The following SMC6 variants were observed in gnomAD, a reference collection of about 807,000 sequenced individuals.
SMC6 encodes structural maintenance of chromosomes protein 6.
Under a neutral mutation model 142.2 loss-of-function variants are expected in SMC6, and 79 were observed. That is an observed-to-expected ratio of 0.56 (90% CI 0.46 to 0.67). The LOEUF (loss-of-function observed/expected upper bound fraction) is 0.67. Ranked by LOEUF, SMC6 falls within the 30% of genes least tolerant of loss-of-function variation. The pLI, the probability that SMC6 is intolerant of heterozygous loss-of-function variation, is 0.00. For synonymous variants in SMC6, 411 were observed against 412.4 expected (o/e 1.00, Z 0.04); for missense variants, 1,072 against 1,284.0 (o/e 0.83, Z 2.52).
chr2:17,721,452 T>A (rs575380265), intron 9 of SMC6, among the ~76,000 whole-genome samples, 191 bp from the exon 10 acceptor site: 1 of 152,314 alleles, frequency 6.6e-6, no homozygotes, highest in South Asian at 2.1e-4. Flanking sequence ...ATTTTGTGAA[T>A]TTCTGCACTA....
In SMC6 at chr2:17,731,126, G is replaced by C; in HGVS notation, c.495C>G (p.Ser165=). Residue 165 remains serine (S), a synonymous_variant, in exon 7 of 28, where the codon TCC becomes TCG. Coordinates refer to ENST00000448223, the MANE Select transcript of SMC6 (RefSeq NM_001142286.2). Reference sequence around the variant, plus strand: ...TTGCAATCAGCTCTTCTTTCCTCGTGGAAACCACGGAGCCTAGTTATAAGA... The same window carrying C: ...TTGCAATCAGCTCTTCTTTCCTCGTCGAAACCACGGAGCCTAGTTATAAGA... ...KLKSATGSVV[S]TRKEELIAIL... 3 of 1,611,006 alleles carry C rather than the reference G, an allele frequency of 1.9e-6. No homozygotes were observed. The highest frequency in any genetic ancestry group is 2.5e-6 in the Non-Finnish European group (3 of 1,178,294).
intron 6 of SMC6, 38 bp from the exon 7 acceptor site, chr2:17,731,177 C>G (rs377016280): frequency 1.2e-4 from 171 of 1,437,106 alleles, no homozygotes; most frequent in Non-Finnish European, 1.6e-4. Context: ...CAAACTGTTT[C>G]TAGGGCATAA....
rs1031123799 is a variant in SMC6, at chr2:17,701,687, A to C, written c.2223+142T>G. On this transcript the variant is annotated intron_variant, in intron 20 of 27. Transcript: ENST00000448223. Reference sequence around the variant, plus strand: ...GAAGGCTGTATACCAGGTAGTTTTTACCTTCTTGGTGAATGGAGACAGCAA... The same window carrying C: ...GAAGGCTGTATACCAGGTAGTTTTTCCCTTCTTGGTGAATGGAGACAGCAA... 37 of 576,852 alleles carry C rather than the reference A, an allele frequency of 6.4e-5. No homozygotes were observed. In the South Asian group the frequency reaches 7.8e-4, roughly 12 times the overall value. 35.7% of individuals were successfully genotyped at this position (576,852 alleles called of 1,614,324 possible).
At chr2:17,724,731 C>T (rs1384130310) in intron 9 of SMC6, among the ~76,000 whole-genome samples, 2 of 152,134 alleles carry the variant, frequency 1.3e-5, no homozygotes, top group African/African-American at 4.8e-5. Flanking sequence ...AGCTGCCAAG[C>T]CTGGTGAGTA....
intron 11 of SMC6, among the ~76,000 whole-genome samples, 177 bp downstream of exon 11, chr2:17,720,763 G>C (rs1669327368): frequency 1.3e-5 from 2 of 152,094 alleles, no homozygotes; most frequent in African/African-American, 4.8e-5. Flanking sequence ...CTTTTCAAAA[G>C]AGAGTCACCA....
intron 25 of SMC6, among the ~76,000 whole-genome samples, chr2:17,674,035 A>G (rs571749610): frequency 6.6e-6 from 1 of 152,090 alleles, no homozygotes; most frequent in East Asian, 1.9e-4. Flanking sequence ...TTTCATTGCT[A>G]TTGTACATTT....
At chr2:17,726,200 A>G (rs1669615797) in intron 8 of SMC6, among the ~76,000 whole-genome samples, 189 bp downstream of exon 8, 1 of 151,786 alleles carries the variant, frequency 6.6e-6, no homozygotes, top group Non-Finnish European at 1.5e-5. Flanking sequence ...AAGTAAAAAC[A>G]AAGATTTAAA....
At chr2:17,674,522 T>C (rs1271379977) in intron 25 of SMC6, among the ~76,000 whole-genome samples, 2 of 152,212 alleles carry the variant, frequency 1.3e-5, no homozygotes, top group Non-Finnish European at 2.9e-5. Flanking sequence ...CTGTGGTAGT[T>C]TGGCACAATG....
chr2:17,725,183 T>C (rs1669553954), intron 9 of SMC6, 74 bp downstream of exon 9: 2 of 951,866 alleles, frequency 2.1e-6, no homozygotes, highest in South Asian at 1.6e-5. Context: ...CACATAGTTT[T>C]ACAATATCAT....
chr2:17,717,459 C>T (rs957970420), intron 12 of SMC6, among the ~76,000 whole-genome samples: 1 of 151,364 alleles, frequency 6.6e-6, no homozygotes, highest in Non-Finnish European at 1.5e-5. Flanking sequence ...ATCACGAGGT[C>T]AGGAGATCTA....
At chr2:17,692,636 T>C (rs559375378) in intron 23 of SMC6, among the ~76,000 whole-genome samples, 20 of 152,276 alleles carry the variant, frequency 1.3e-4, no homozygotes, top group East Asian at 5.8e-4. Context: ...ATTCAGGACA[T>C]AGGCATGGGC....
chr2:17,735,728 AGTCCCT>A lies in SMC6; in HGVS notation c.344+2487_344+2492del, dbSNP rs571736881. On this transcript the variant is annotated intron_variant, in intron 5 of 27. Transcript: ENST00000448223. ...AGAGATATATTAGGAGGATTCATTC[AGTCCCT>A]GTGTCACTGCAAAGGCTTGGTGGAT... 1.8e-4 allele frequency among the ~76,000 whole-genome samples: 28 copies of A among 152,352 alleles called. No individual in the cohort carries two copies. In the East Asian group the frequency reaches 3.9e-3, roughly 21 times the overall value.
chr2:17,701,149 T>C (rs1490983881), intron 20 of SMC6, among the ~76,000 whole-genome samples: 1 of 151,072 alleles, frequency 6.6e-6, no homozygotes, highest in Non-Finnish European at 1.5e-5. Context: ...TAGTAAAAAA[T>C]GGAGACAAAT....
At chr2:17,739,534 A>G (rs1572355669) in intron 4 of SMC6, among the ~76,000 whole-genome samples, 1 of 151,516 alleles carries the variant, frequency 6.6e-6, no homozygotes, top group East Asian at 1.9e-4. Flanking sequence ...AATCCCAGCT[A>G]TTTGGGAGGC....
chr2:17,714,782 A>G lies in SMC6; in HGVS notation c.1730+79T>C, dbSNP rs1308215088. The G allele has an allele frequency of 4.3e-6, 6 of 1,402,536 alleles. No homozygotes were observed. The East Asian group carries it at 1.4e-4, about 32-fold the overall frequency. 86.9% of individuals were successfully genotyped at this position (1,402,536 alleles called of 1,614,324 possible). On this transcript the variant is annotated intron_variant, in intron 16 of 27. Coordinates refer to ENST00000448223, the MANE Select transcript of SMC6 (RefSeq NM_001142286.2). ...AATCAGTGGTAAAGATATGATTAAC[A>G]TTAAAAGTGTTTTAACTCTTTCCAA...
chr2:17,715,175 G>A, intron 15 of SMC6, 110 bp from the exon 16 acceptor site: 1 of 988,578 alleles, frequency 1.0e-6, no homozygotes, highest in Non-Finnish European at 1.5e-6. Flanking sequence ...ATATAAAGCA[G>A]TTTAAATGAC....
intron 23 of SMC6, among the ~76,000 whole-genome samples, chr2:17,693,534 G>A (rs867022956): frequency 4.6e-5 from 7 of 152,066 alleles, no homozygotes; most frequent in African/African-American, 1.4e-4. Context: ...ATCACACACC[G>A]GGGCCGGCTG....
intron 24 of SMC6, chr2:17,681,699 G>A (rs2710661): frequency 0.35 from 52,589 of 151,988 alleles, 10,018 homozygotes; most frequent in African/African-American, 0.46. Flanking sequence ...TCTTATATGG[G>A]CAGTCTGTGG....
chr2:17,740,945 C>A (rs1202399408), intron 4 of SMC6: 1 of 290,778 alleles, frequency 3.4e-6, no homozygotes, highest in Admixed American at 4.9e-5. Context: ...AATAAAACTT[C>A]AAACTCTTTA....
Sources: allele counts gnomAD v4.1 joint callset (sites outside exome capture counted in the v4.1 genomes callset), GRCh38; gene constraint gnomAD v4.1.1; transcripts MANE v1.5; gene names NCBI Gene and HGNC (gene_info 2026-07-23, HGNC 2026-07-21).